Variants in HEMK2 observed in about 807,000 individuals in gnomAD.
HEMK2 encodes HemK methyltransferase 2, ETF1 glutamine and histone H4 lysine, also known as methyltransferase HEMK2.
At chr21:28,769,467 T>C in the HEMK2 span, among the ~76,000 whole-genome samples, 28 of 152,206 alleles carry the variant, frequency 1.8e-4, no homozygotes, top group Non-Finnish European at 3.5e-4. Context: ...GCAGCAGATA[T>C]ATGCCCTGGG....
At chr21:28,751,714 T>C in the HEMK2 span, among the ~76,000 whole-genome samples, 1 of 152,240 alleles carries the variant, frequency 6.6e-6, no homozygotes, top group African/African-American at 2.4e-5. Flanking sequence ...AGTTTTGCTC[T>C]TGTTGTCCAA....
At chr21:28,578,785 G>A in the HEMK2 span, among the ~76,000 whole-genome samples, 1 of 152,118 alleles carries the variant, frequency 6.6e-6, no homozygotes, top group Admixed American at 6.5e-5. Flanking sequence ...GCCATTCAAG[G>A]CCCTCCCAGT....
At chr21:28,826,231 G>T in the HEMK2 span, among the ~76,000 whole-genome samples, 1 of 152,162 alleles carries the variant, frequency 6.6e-6, no homozygotes, top group Non-Finnish European at 1.5e-5. Context: ...AGATCTCATT[G>T]TAAGTATAGC....
the HEMK2 span, among the ~76,000 whole-genome samples, chr21:28,648,622 T>C: frequency 1.3e-5 from 2 of 152,208 alleles, no homozygotes; most frequent in African/African-American, 4.8e-5. Context: ...TGAGATCATT[T>C]AGTTCAACCT....
the HEMK2 span, among the ~76,000 whole-genome samples, chr21:28,864,864 T>C: frequency 2.4e-5 from 3 of 123,354 alleles, no homozygotes; most frequent in Non-Finnish European, 3.5e-5. Context: ...GATAGATAGA[T>C]AGATGGATGA....
chr21:28,642,485 C>T, the HEMK2 span, among the ~76,000 whole-genome samples: 2 of 152,182 alleles, frequency 1.3e-5, no homozygotes, highest in African/African-American at 4.8e-5. Context: ...CGTGTTACTA[C>T]CAATCCTCTT....
chr21:28,586,994 C>G, the HEMK2 span, among the ~76,000 whole-genome samples: 5 of 152,244 alleles, frequency 3.3e-5, no homozygotes, highest in South Asian at 8.3e-4. Context: ...CAGACCATAG[C>G]AGCATCTGTA....
the HEMK2 span, among the ~76,000 whole-genome samples, chr21:28,682,691 G>A: frequency 6.6e-6 from 1 of 152,042 alleles, no homozygotes; most frequent in Non-Finnish European, 1.5e-5. Flanking sequence ...AGAAAATGTG[G>A]CACATATACA....
At chr21:28,693,709 G>A in the HEMK2 span, among the ~76,000 whole-genome samples, 1 of 152,200 alleles carries the variant, frequency 6.6e-6, no homozygotes, top group Admixed American at 6.5e-5. Flanking sequence ...ATTAAAGACA[G>A]TGAGCCCTCA....
At chr21:28,606,233 GAAACA>G in the HEMK2 span, among the ~76,000 whole-genome samples, 1 of 149,814 alleles carries the variant, frequency 6.7e-6, no homozygotes, top group South Asian at 2.3e-4. Context: ...CTAAAAATGG[GAAACA>G]AAACAAAACA....
the HEMK2 span, among the ~76,000 whole-genome samples, chr21:28,849,990 T>C: frequency 6.6e-6 from 1 of 152,030 alleles, no homozygotes; most frequent in African/African-American, 2.4e-5. Flanking sequence ...AGAGGAAACA[T>C]TCAAATTAAG....
the HEMK2 span, among the ~76,000 whole-genome samples, chr21:28,804,326 A>T: frequency 6.6e-6 from 1 of 152,228 alleles, no homozygotes; most frequent in Admixed American, 6.5e-5. Flanking sequence ...TTACTTCAAA[A>T]AATGCAAAAC....
chr21:28,822,452 A>C, the HEMK2 span, among the ~76,000 whole-genome samples: 1 of 152,154 alleles, frequency 6.6e-6, no homozygotes, highest in Non-Finnish European at 1.5e-5. Context: ...CATGTTCTAA[A>C]AAGATATAGG....
the HEMK2 span, among the ~76,000 whole-genome samples, chr21:28,676,860 G>A: frequency 1.3e-5 from 2 of 152,306 alleles, no homozygotes; most frequent in South Asian, 4.1e-4. Context: ...TGGAACTAAG[G>A]AGAGAGTCCT....
chr21:28,861,023 C>T, the HEMK2 span, among the ~76,000 whole-genome samples: 8 of 152,200 alleles, frequency 5.3e-5, no homozygotes, highest in Non-Finnish European at 2.9e-5. Flanking sequence ...ATGAATTAGA[C>T]ACTTTAGACC....
At chr21:28,650,832 G>A in the HEMK2 span, among the ~76,000 whole-genome samples, 2,422 of 152,258 alleles carry the variant, frequency 0.016, 64 homozygotes, top group African/African-American at 0.054. Context: ...AAAGGGGCTT[G>A]AGGAAACAGA....
the HEMK2 span, among the ~76,000 whole-genome samples, chr21:28,823,709 C>T: frequency 1.3e-5 from 2 of 152,064 alleles, no homozygotes; most frequent in African/African-American, 2.4e-5. Context: ...AAAAGTAGCC[C>T]GCAAATCCTA....
chr21:28,757,326 C>T, the HEMK2 span, among the ~76,000 whole-genome samples: 2 of 152,076 alleles, frequency 1.3e-5, no homozygotes, highest in African/African-American at 4.8e-5. Flanking sequence ...ACCATGGGAG[C>T]AGAATGGAGG....
At chr21:28,885,295 G>A in the HEMK2 span, 1 of 1,590,288 alleles carries the variant, frequency 6.3e-7, no homozygotes, top group Non-Finnish European at 8.6e-7. Flanking sequence ...CGCTGAAGGC[G>A]CCGCGGCCCA....
Sources: gnomAD v4.1 joint callset for allele counts (sites outside exome capture counted in the v4.1 genomes callset) on GRCh38, gnomAD v4.1.1 for gene constraint, MANE v1.5 for transcripts, NCBI Gene and HGNC (gene_info 2026-07-23, HGNC 2026-07-21) for gene names.